ASB3: variants seen among roughly 807,000 people sequenced by gnomAD.
ASB3 encodes ankyrin repeat and SOCS box protein 3.
ASB3 carries 41 observed loss-of-function variants against 54.5 expected under a neutral mutation model. That is an observed-to-expected ratio of 0.75 (90% confidence interval 0.59 to 0.98). The LOEUF (loss-of-function observed/expected upper bound fraction) is 0.98, where lower values mean the gene tolerates loss of function less well. Among genes scored for constraint, ASB3 ranks in the 50% least tolerant of loss-of-function variants. The probability of loss-of-function intolerance (pLI) is 0.00; values close to 1 mark genes in which losing one functional copy is unlikely to be tolerated. For synonymous variants in ASB3, 266 were observed against 221.2 expected (o/e 1.20, Z -1.80); for missense variants, 733 against 620.0 (o/e 1.18, Z -1.94).
chr2:53,735,485 T>TAAA (rs11414333), intron 3 of ASB3, among the ~76,000 whole-genome samples: 23 of 130,032 alleles, frequency 1.8e-4, no homozygotes, highest in African/African-American at 5.9e-4. Flanking sequence ...AGCAAAGATC[T>TAAA]AAAAAAAAAA....
intron 5 of ASB3, among the ~76,000 whole-genome samples, chr2:53,720,975 T>G (rs1261397287): frequency 6.6e-6 from 1 of 151,446 alleles, no homozygotes; most frequent in Non-Finnish European, 1.5e-5. Context: ...AAAAATTAGC[T>G]GGCCACAGGG....
At chr2:53,723,184 A>T (rs184902301) in intron 5 of ASB3, among the ~76,000 whole-genome samples, 68 of 152,354 alleles carry the variant, frequency 4.5e-4, no homozygotes, top group African/African-American at 1.5e-3. Context: ...ACTGAAAAAA[A>T]ATCATAGATG....
chr2:53,732,426 C>A (rs1671372152), intron 3 of ASB3, among the ~76,000 whole-genome samples: 1 of 152,128 alleles, frequency 6.6e-6, no homozygotes. Context: ...ACATCATTAT[C>A]AGTGACTGTT....
At chr2:53,690,753 T>C (rs1196547910) in intron 9 of ASB3, among the ~76,000 whole-genome samples, 1 of 152,132 alleles carries the variant, frequency 6.6e-6, no homozygotes, top group Non-Finnish European at 1.5e-5. Flanking sequence ...TTTTACTGTT[T>C]TGTGATAATA....
chr2:53,686,753 G>C (rs1668654378), intron 9 of ASB3, among the ~76,000 whole-genome samples: 1 of 151,950 alleles, frequency 6.6e-6, no homozygotes, highest in Admixed American at 6.6e-5. Context: ...TTTCATTCTT[G>C]TTGCCCGGGC....
Position 53,694,029 on chromosome 2 carries a change from T to C in ASB3, c.1239-15A>G, listed in dbSNP as rs774899794. On this transcript the variant is annotated splice_polypyrimidine_tract_variant and intron_variant, in intron 8 of 9. Transcript: ENST00000263634. ...CTGAGTCAATCCTATGTTAGCAAGA[T>C]GTTAATATAATATTAGAAACAAAAC... 1.2e-6 allele frequency: 2 copies of C among 1,611,844 alleles called. No individual in the cohort carries two copies. Among genetic ancestry groups the C allele is most frequent in the Admixed American group, 3.3e-5 (2 of 59,780 alleles).
chr2:53,674,468 A>G (rs926099264), intron 9 of ASB3, among the ~76,000 whole-genome samples: 3 of 152,332 alleles, frequency 2.0e-5, no homozygotes, highest in South Asian at 2.1e-4. Context: ...GTTTTGTTAA[A>G]ATCAAAAGCA....
chr2:53,745,674 T>A (rs1188288880), intron 3 of ASB3, among the ~76,000 whole-genome samples: 1 of 152,238 alleles, frequency 6.6e-6, no homozygotes, highest in South Asian at 2.1e-4. Context: ...TTCTATAGCC[T>A]CTAGCAATAG....
At chr2:53,726,194 G>C (rs532821963) in intron 5 of ASB3, among the ~76,000 whole-genome samples, 1 of 150,322 alleles carries the variant, frequency 6.7e-6, no homozygotes. Context: ...AGCTCCAGGC[G>C]ACAAGAAAAC....
At chr2:53,723,009 A>T (rs998240872) in intron 5 of ASB3, among the ~76,000 whole-genome samples, 2 of 152,208 alleles carry the variant, frequency 1.3e-5, no homozygotes, top group Non-Finnish European at 2.9e-5. Flanking sequence ...TTACAAAATC[A>T]ATGTATAAAA....
intron 7 of ASB3, among the ~76,000 whole-genome samples, chr2:53,702,575 T>A (rs1669549990): frequency 6.6e-6 from 1 of 152,184 alleles, no homozygotes; most frequent in South Asian, 2.1e-4. Context: ...TTGTTTAACA[T>A]AAATATCAAG....
intron 1 of ASB3, among the ~76,000 whole-genome samples, chr2:53,783,495 T>C (rs1674768019): frequency 6.6e-6 from 1 of 150,954 alleles, no homozygotes; most frequent in South Asian, 2.1e-4. Flanking sequence ...AAGTGAAAAA[T>C]AGGATTCATA....
intron 1 of ASB3, among the ~76,000 whole-genome samples, chr2:53,765,973 G>A (rs955482449): frequency 6.6e-6 from 1 of 151,880 alleles, no homozygotes; most frequent in Non-Finnish European, 1.5e-5. Context: ...TTAATCCCCA[G>A]TGTACACTAC....
Position 53,735,485 on chromosome 2 carries a change from TA to T in ASB3, c.356-5916del, listed in dbSNP as rs11414333. ...AATACTACTGAGAAAAGCAAAGATCTAAAAAAAAAAAAAAAAGTAGAATACA... is the reference window on the plus strand; with the variant it reads ...AATACTACTGAGAAAAGCAAAGATCTAAAAAAAAAAAAAAAGTAGAATACA... On this transcript the variant is annotated intron_variant, in intron 3 of 9. Coordinates refer to ENST00000263634, the MANE Select transcript of ASB3 (RefSeq NM_016115.5). 3.3e-3 allele frequency among the ~76,000 whole-genome samples: 425 copies of T among 129,996 alleles called. 2 individuals carry two copies. Among genetic ancestry groups the T allele is most frequent in the Non-Finnish European group, 4.7e-3 (286 of 60,450 alleles). The allele number at this position is 129,996 out of a possible 152,430, so 85.3% of individuals were successfully genotyped here. A position where few individuals can be genotyped will look rare whatever the true frequency, so the allele number is the denominator to read the frequency against.
At chr2:53,771,994 G>T (rs370016839) in intron 1 of ASB3, 3 of 1,028,360 alleles carry the variant, frequency 2.9e-6, no homozygotes, top group Admixed American at 4.8e-5. Flanking sequence ...AAAATGTTGC[G>T]ATGTTTCTGT....
Position 53,714,472 on chromosome 2 carries a change from T to C in ASB3, c.892A>G (p.Ile298Val), listed in dbSNP as rs1447006181. 1.2e-6 allele frequency: 2 copies of C among 1,614,226 alleles called. No individual in the cohort carries two copies. Among genetic ancestry groups the C allele is most frequent in the Non-Finnish European group, 1.7e-6 (2 of 1,180,028 alleles). Residue 298 changes from isoleucine (I) to valine (V), a missense_variant, in exon 7 of 10, where the codon ATA becomes GTA. By Grantham distance (29) the Ile-to-Val change is conservative. Transcript: ENST00000263634. ...VFGGHEDCLE[I>V]LLRNGYSPDA... ...GGGCTGTAGCCATTCCGGAGTAATA[T>C]TTCTAGGCAATCTTCATGTCCCCCA...
At chr2:53,675,731 G>A (rs1668049914) in intron 9 of ASB3, among the ~76,000 whole-genome samples, 1 of 152,088 alleles carries the variant, frequency 6.6e-6, no homozygotes, top group East Asian at 1.9e-4. Flanking sequence ...CAAAACAAAG[G>A]GGAACTATTT....
In ASB3 at chr2:53,729,197, T is replaced by C. The variant is rs548412604; in HGVS notation, c.468+261A>G. The stretch of plus-strand genomic sequence containing the variant: ...TAACCCATTGCTCTTTATCAATTTA[T>C]ATCTCAAATAACTGATGGTTTCTTA... On this transcript the variant is annotated intron_variant, in intron 4 of 9. Coordinates refer to ENST00000263634, the MANE Select transcript of ASB3 (RefSeq NM_016115.5). Among the ~76,000 whole-genome samples the C allele has an allele frequency of 2.6e-5, 4 of 152,326 alleles. No individual in the cohort carries two copies. In the South Asian group the frequency reaches 8.3e-4, roughly 32 times the overall value.
Position 53,734,723 on chromosome 2 carries a change from G to A in ASB3, c.356-5153C>T, listed in dbSNP as rs138441268. ...TCCTATTCAGTTCCTACTGCCTCTGGCATTAAATTCCCCATATTTCTCTAA... is the reference window on the plus strand; with the variant it reads ...TCCTATTCAGTTCCTACTGCCTCTGACATTAAATTCCCCATATTTCTCTAA... On this transcript the variant is annotated intron_variant, in intron 3 of 9. Transcript: ENST00000263634. Among the ~76,000 whole-genome samples the A allele has an allele frequency of 3.4e-3, 523 of 152,032 alleles. 5 individuals are homozygous for A. Among genetic ancestry groups the A allele is most frequent in the African/African-American group, 0.012 (502 of 41,468 alleles).
Sources: gnomAD v4.1 joint callset for allele counts (sites outside exome capture counted in the v4.1 genomes callset) on GRCh38, gnomAD v4.1.1 for gene constraint, MANE v1.5 for transcripts, NCBI Gene and HGNC (gene_info 2026-07-23, HGNC 2026-07-21) for gene names.